Variants in CNIH3 observed in about 807,000 individuals in gnomAD.
CNIH3 encodes protein cornichon homolog 3.
CNIH3 carries 14 observed loss-of-function variants against 24.1 expected under a neutral mutation model. That is an observed-to-expected ratio of 0.58 (90% confidence interval 0.38 to 0.91). The LOEUF (loss-of-function observed/expected upper bound fraction) is 0.91, where lower values mean the gene tolerates loss of function less well. Ranked by LOEUF, CNIH3 falls within the 40% of genes least tolerant of loss-of-function variation. The pLI is 0.00. For synonymous variants in CNIH3, 68 were observed against 73.8 expected (o/e 0.92, Z 0.40); for missense variants, 178 against 196.8 (o/e 0.90, Z 0.57).
intron 3 of CNIH3, among the ~76,000 whole-genome samples, chr1:224,721,234 A>G: frequency 6.6e-6 from 1 of 152,152 alleles, no homozygotes; most frequent in East Asian, 1.9e-4. Context: ...AATGAGTGTG[A>G]AAATGGGGCT....
chr1:224,647,551 G>A (rs1684671038), intron 1 of CNIH3, among the ~76,000 whole-genome samples: 1 of 152,202 alleles, frequency 6.6e-6, no homozygotes, highest in African/African-American at 2.4e-5. Context: ...AGGCTGTGGC[G>A]GGAAATTATT....
intron 3 of CNIH3, among the ~76,000 whole-genome samples, chr1:224,691,308 G>A (rs759158182): frequency 5.9e-5 from 9 of 152,116 alleles, no homozygotes; most frequent in Non-Finnish European, 1.0e-4. Flanking sequence ...TGGTCTCCGT[G>A]ACCTTTGCAC....
At chr1:224,735,032 C>G (rs1348278687) in intron 5 of CNIH3, among the ~76,000 whole-genome samples, 1 of 152,082 alleles carries the variant, frequency 6.6e-6, no homozygotes, top group African/African-American at 2.4e-5. Context: ...GGCTTCCTGC[C>G]TCTCACGACT....
intron 1 of CNIH3, among the ~76,000 whole-genome samples, chr1:224,457,273 CTCTGTGTGTGTGTGTGTG>C (rs1337504101): frequency 4.6e-4 from 13 of 28,074 alleles, no homozygotes; most frequent in African/African-American, 1.8e-3. Context: ...TCCTCTCTCT[CTCTGTGTGTGTGTGTGTG>C]TGTGTGTGTG....
intron 1 of CNIH3, among the ~76,000 whole-genome samples, chr1:224,485,382 T>A (rs2124831631): frequency 6.6e-6 from 1 of 152,282 alleles, no homozygotes; most frequent in South Asian, 2.1e-4. Context: ...CTTTCAGAGT[T>A]TCTCTTTTGT....
chr1:224,493,573 C>G (rs1320266970), intron 1 of CNIH3, among the ~76,000 whole-genome samples: 3 of 152,108 alleles, frequency 2.0e-5, no homozygotes, highest in Non-Finnish European at 4.4e-5. Flanking sequence ...CAGTACAGAA[C>G]AAAGCACAAA....
At chr1:224,683,585 A>G (rs533560857) in intron 2 of CNIH3, among the ~76,000 whole-genome samples, 1 of 152,318 alleles carries the variant, frequency 6.6e-6, no homozygotes, top group East Asian at 1.9e-4. Flanking sequence ...TCTCTCAATG[A>G]GGGCATGAGG....
At chr1:224,472,206 CT>C (rs1289989509) in intron 1 of CNIH3, among the ~76,000 whole-genome samples, 2 of 152,156 alleles carry the variant, frequency 1.3e-5, no homozygotes, top group African/African-American at 4.8e-5. Flanking sequence ...TAAGGATTCC[CT>C]TTTCTCTACA....
chr1:224,680,452 T>C (rs1686345370), intron 1 of CNIH3, among the ~76,000 whole-genome samples: 1 of 152,230 alleles, frequency 6.6e-6, no homozygotes, highest in Admixed American at 6.5e-5. Context: ...GAGCTGACCG[T>C]CCAGGCTTGT....
At chr1:224,600,741 C>A (rs1026523883) in intron 3 of CNIH3, among the ~76,000 whole-genome samples, 6 of 152,184 alleles carry the variant, frequency 3.9e-5, no homozygotes, top group Non-Finnish European at 7.4e-5. Context: ...GAATACCCAA[C>A]CACCGATGTA....
chr1:224,707,655 C>T (rs1450595311), intron 3 of CNIH3, among the ~76,000 whole-genome samples: 1 of 152,130 alleles, frequency 6.6e-6, no homozygotes, highest in Non-Finnish European at 1.5e-5. Context: ...GTTATAAAGG[C>T]AGAATCTCAT....
At chr1:224,642,215 T>C (rs1684395152) in intron 1 of CNIH3, among the ~76,000 whole-genome samples, 2 of 152,180 alleles carry the variant, frequency 1.3e-5, no homozygotes, top group Admixed American at 1.3e-4. Context: ...ATTTTCCCAG[T>C]GTTCTATTAT....
At chr1:224,715,817 C>T (rs1392715373) in intron 3 of CNIH3, among the ~76,000 whole-genome samples, 3 of 152,158 alleles carry the variant, frequency 2.0e-5, no homozygotes, top group Non-Finnish European at 4.4e-5. Flanking sequence ...GAGGGATCCG[C>T]TCCCATGACC....
intron 5 of CNIH3, among the ~76,000 whole-genome samples, chr1:224,587,873 C>G (rs1681577157): frequency 1.3e-5 from 2 of 151,714 alleles, no homozygotes; most frequent in African/African-American, 4.8e-5. Flanking sequence ...GCCAGGAGGT[C>G]AAGGCCTTAG....
intron 1 of CNIH3, among the ~76,000 whole-genome samples, chr1:224,446,300 A>G (rs372369463): frequency 1.0e-3 from 154 of 151,942 alleles, no homozygotes; most frequent in African/African-American, 3.6e-3. Flanking sequence ...AATTTCCACA[A>G]AACAATTTGT....
In CNIH3 at chr1:224,567,113, G is replaced by T. The variant is rs1040962020; in HGVS notation, n.516+849G>T. Among the ~76,000 whole-genome samples the T allele has an allele frequency of 2.0e-5, 3 of 152,168 alleles. No individual in the cohort carries two copies. The South Asian group carries it at 6.2e-4, about 32-fold the overall frequency. On this transcript the variant is annotated intron_variant and non_coding_transcript_variant, in intron 4 of 5. Coordinates refer to the CNIH3 transcript ENST00000471578. ...TGGTTTTGATTTGCATTTCTCTAATGACCAGTGATGATGAGCATTTTTTCA... is the reference window on the plus strand; with the variant it reads ...TGGTTTTGATTTGCATTTCTCTAATTACCAGTGATGATGAGCATTTTTTCA...
intron 4 of CNIH3, among the ~76,000 whole-genome samples, chr1:224,731,289 A>C (rs2125242596): frequency 6.6e-6 from 1 of 152,294 alleles, no homozygotes; most frequent in South Asian, 2.1e-4. Context: ...ATAAAAAAAA[A>C]AGCACCTACC....
intron 3 of CNIH3, among the ~76,000 whole-genome samples, chr1:224,598,742 A>C (rs1353478201): frequency 1.3e-5 from 2 of 152,238 alleles, no homozygotes; most frequent in Admixed American, 6.5e-5. Context: ...GACTGTTAGC[A>C]TTTTTTAGCA....
chr1:224,682,372 A>G (rs1054266492), intron 2 of CNIH3, among the ~76,000 whole-genome samples: 8 of 152,188 alleles, frequency 5.3e-5, no homozygotes, highest in African/African-American at 9.7e-5. Context: ...CCTGTCTCCA[A>G]AGTCTCTCAT....
Sources: allele counts gnomAD v4.1 joint callset (sites outside exome capture counted in the v4.1 genomes callset), GRCh38; gene constraint gnomAD v4.1.1; transcripts MANE v1.5; gene names NCBI Gene and HGNC (gene_info 2026-07-23, HGNC 2026-07-21).